The following OXR1 variants were observed in gnomAD, a reference collection of about 807,000 sequenced individuals.
The protein encoded by OXR1 is oxidation resistance 1.
In OXR1, 41 loss-of-function variants were observed where a neutral mutation model predicts 104.6. The ratio of observed to expected loss-of-function variants is 0.39; its 90% CI spans 0.31 to 0.51. The LOEUF (loss-of-function observed/expected upper bound fraction) is 0.51, where lower values mean the gene tolerates loss of function less well. OXR1 is among the 20% of genes least tolerant of loss of function. The pLI is 0.77. For missense variants in OXR1, 955 were observed against 1,031.9 expected (o/e 0.93, Z 1.02); for synonymous variants, 348 against 348.4 (o/e 1.00, Z 0.01).
At chr8:106,581,144 G>A (rs1032921786) in intron 3 of OXR1, 1 of 1,269,182 alleles carries the variant, frequency 7.9e-7, no homozygotes, top group Non-Finnish European at 1.0e-6. Flanking sequence ...ATTTTGGATG[G>A]AAATAATCCG....
intron 3 of OXR1, among the ~76,000 whole-genome samples, chr8:106,672,621 CAT>C (rs1319263884): frequency 6.6e-6 from 1 of 152,066 alleles, no homozygotes; most frequent in Non-Finnish European, 1.5e-5. Flanking sequence ...ACACCAGAAA[CAT>C]AACGTCATAT....
At chr8:106,424,906 T>A (rs965463220) in intron 2 of OXR1, among the ~76,000 whole-genome samples, 1 of 152,010 alleles carries the variant, frequency 6.6e-6, no homozygotes, top group African/African-American at 2.4e-5. Context: ...TCCTTTTGAT[T>A]TGACATATTT....
At position 106,419,094 on chromosome 8, in the gene OXR1, A is replaced by C. The variant is rs549051331; in HGVS notation, c.23+59458A>C. 5.3e-5 allele frequency among the ~76,000 whole-genome samples: 8 copies of C among 152,288 alleles called. No individual in the cohort carries two copies. In the South Asian group the frequency reaches 1.7e-3, roughly 32 times the overall value. ...CATCACTGACTCCATTGAAATGTCA[A>C]ATTTTCTATTTACACACATTTGCAT... On this transcript the variant is annotated intron_variant, in intron 2 of 16. Transcript: ENST00000517566.
intron 2 of OXR1, among the ~76,000 whole-genome samples, chr8:106,514,622 A>G (rs1003432394): frequency 6.6e-6 from 1 of 152,148 alleles, no homozygotes; most frequent in Admixed American, 6.5e-5. Flanking sequence ...TACGGAGAAT[A>G]TAAAAAGGGC....
At chr8:106,657,304 GCC>G (rs1825182248) in intron 3 of OXR1, among the ~76,000 whole-genome samples, 1 of 132,292 alleles carries the variant, frequency 7.6e-6, no homozygotes, top group African/African-American at 3.2e-5. Flanking sequence ...AGGTATCTCC[GCC>G]GTCCTTAAAC....
intron 2 of OXR1, among the ~76,000 whole-genome samples, chr8:106,466,525 T>C (rs767702951): frequency 1.3e-4 from 20 of 151,942 alleles, no homozygotes; most frequent in Admixed American, 4.6e-4. Context: ...TTGCTCTCAA[T>C]TCAAAAATTT....
chr8:106,605,627 T>C (rs1488598227), intron 3 of OXR1, among the ~76,000 whole-genome samples: 2 of 119,530 alleles, frequency 1.7e-5, no homozygotes, highest in African/African-American at 7.4e-5. Context: ...AAACCCCGTC[T>C]CTACTAAAAA....
chr8:106,709,564 G>T lies in OXR1; in HGVS notation c.1625-1058G>T, dbSNP rs552468336. Among the ~76,000 whole-genome samples the T allele has an allele frequency of 2.0e-5, 3 of 151,292 alleles. No individual in the cohort carries two copies. In the East Asian group the frequency reaches 5.9e-4, roughly 30 times the overall value. On this transcript the variant is annotated intron_variant, in intron 9 of 16. Transcript: ENST00000517566. ...AAAGATAAAATAATCTGTTTAAGCT[G>T]ATGATGTGGTGGACCAATTTTGTTG... is the stretch of plus-strand genomic sequence containing the variant.
chr8:106,443,491 T>C (rs772040039), intron 2 of OXR1, among the ~76,000 whole-genome samples: 20 of 152,204 alleles, frequency 1.3e-4, no homozygotes, highest in Non-Finnish European at 2.5e-4. Flanking sequence ...TTGATCTGAC[T>C]GATACTGACA....
At chr8:106,376,126 A>G (rs1816898357) in intron 2 of OXR1, among the ~76,000 whole-genome samples, 1 of 152,176 alleles carries the variant, frequency 6.6e-6, no homozygotes, top group African/African-American at 2.4e-5. Context: ...ACATTTTTTT[A>G]CTGGTCACTG....
At chr8:106,544,645 A>T (rs1416312569) in intron 3 of OXR1, among the ~76,000 whole-genome samples, 3 of 152,228 alleles carry the variant, frequency 2.0e-5, no homozygotes, top group African/African-American at 4.8e-5. Context: ...AATGGAAAAA[A>T]ATATATAATG....
intron 7 of OXR1, chr8:106,697,758 C>T (rs755162429): frequency 2.5e-6 from 4 of 1,613,446 alleles, no homozygotes; most frequent in Non-Finnish European, 3.4e-6. Flanking sequence ...GCTTGAAGGC[C>T]ATGGTGGAGG....
At chr8:106,617,363 C>T (rs918934499) in intron 3 of OXR1, among the ~76,000 whole-genome samples, 4 of 152,018 alleles carry the variant, frequency 2.6e-5, no homozygotes, top group African/African-American at 4.8e-5. Flanking sequence ...GCAGAGGTTG[C>T]AGTGAGCTGA....
intron 1 of OXR1, among the ~76,000 whole-genome samples, chr8:106,339,945 A>C (rs925137200): frequency 1.3e-5 from 2 of 152,156 alleles, no homozygotes; most frequent in African/African-American, 2.4e-5. Flanking sequence ...AATGTGAATC[A>C]ATAAATATTA....
At chr8:106,523,790 T>A (rs1038086948) in intron 3 of OXR1, among the ~76,000 whole-genome samples, 1 of 151,966 alleles carries the variant, frequency 6.6e-6, no homozygotes, top group African/African-American at 2.4e-5. Flanking sequence ...TTTTTTTTTT[T>A]TTGAGACGGA....
At chr8:106,707,222 C>A in intron 9 of OXR1, 77 bp downstream of exon 9, 3 of 1,385,990 alleles carry the variant, frequency 2.2e-6, no homozygotes, top group Non-Finnish European at 3.1e-6. Context: ...ACTCAAAAGC[C>A]GCTGTACCTT....
chr8:106,563,296 C>CAGAAAAAA (rs1563608023), intron 3 of OXR1, among the ~76,000 whole-genome samples: 1 of 125,772 alleles, frequency 8.0e-6, no homozygotes, highest in African/African-American at 3.0e-5. Context: ...AAATGGAAAG[C>CAGAAAAAA]AAAAAAAAAA....
chr8:106,344,777 G>T (rs1413763985), intron 1 of OXR1, among the ~76,000 whole-genome samples: 2 of 152,174 alleles, frequency 1.3e-5, no homozygotes, highest in Non-Finnish European at 2.9e-5. Context: ...TAACACTCTT[G>T]TATTCCTTTC....
intron 1 of OXR1, among the ~76,000 whole-genome samples, chr8:106,334,063 C>T (rs564851060): frequency 3.0e-4 from 46 of 152,246 alleles, no homozygotes; most frequent in African/African-American, 1.0e-3. Flanking sequence ...GAGAGGATTA[C>T]CATCTTCACA....
Sources: gnomAD v4.1 joint callset for allele counts (sites outside exome capture counted in the v4.1 genomes callset) on GRCh38, gnomAD v4.1.1 for gene constraint, MANE v1.5 for transcripts, NCBI Gene and HGNC (gene_info 2026-07-23, HGNC 2026-07-21) for gene names.